Variants in CTNND2 observed in about 807,000 individuals in gnomAD.
CTNND2 encodes the protein catenin delta 2, also known as catenin delta-2.
In CTNND2, 22 loss-of-function variants were observed where a neutral mutation model predicts 144.4. That is an observed-to-expected ratio of 0.15 (90% CI 0.11 to 0.22). The LOEUF is 0.22. Among genes scored for constraint, CTNND2 ranks in the 10% least tolerant of loss-of-function variants. The pLI, the probability that CTNND2 is intolerant of heterozygous loss-of-function variation, is 1.00. For missense variants in CTNND2, 1,353 were observed against 1,618.8 expected, an observed-to-expected ratio of 0.84 and a Z score of 2.82; for synonymous variants, 751 against 695.6, an observed-to-expected ratio of 1.08 and a Z score of -1.25.
At chr5:11,010,461 C>A (rs1198477597) in intron 18 of CTNND2, among the ~76,000 whole-genome samples, 4 of 152,132 alleles carry the variant, frequency 2.6e-5, no homozygotes, top group African/African-American at 9.7e-5. Context: ...CTTTCTAATT[C>A]TCACTGGAAT....
At chr5:11,849,808 A>G (rs1437818334) in intron 1 of CTNND2, among the ~76,000 whole-genome samples, 3 of 152,192 alleles carry the variant, frequency 2.0e-5, no homozygotes, top group Non-Finnish European at 4.4e-5. Flanking sequence ...TGAGAAACAG[A>G]GAAAAGAAAA....
At chr5:11,042,400 C>T (rs1485893715) in intron 16 of CTNND2, among the ~76,000 whole-genome samples, 4 of 152,326 alleles carry the variant, frequency 2.6e-5, no homozygotes, top group African/African-American at 9.6e-5. Context: ...TACACGCACA[C>T]CTTGTTCACA....
intron 1 of CTNND2, among the ~76,000 whole-genome samples, chr5:11,851,089 T>G (rs1794988588): frequency 6.6e-6 from 1 of 152,154 alleles, no homozygotes; most frequent in African/African-American, 2.4e-5. Context: ...AAATACCCTG[T>G]TTGCGTTCCC....
At chr5:11,648,560 C>T (rs978123532) in intron 2 of CTNND2, among the ~76,000 whole-genome samples, 2 of 152,200 alleles carry the variant, frequency 1.3e-5, no homozygotes, top group African/African-American at 4.8e-5. Context: ...TATTTTTTAA[C>T]ATGCCATAAT....
intron 1 of CTNND2, among the ~76,000 whole-genome samples, chr5:11,900,918 GA>G: frequency 6.6e-6 from 1 of 152,250 alleles, no homozygotes; most frequent in East Asian, 1.9e-4. Flanking sequence ...ACTCTGTTAG[GA>G]AAAGTGAGAC....
At chr5:11,096,377 A>T (rs1004278736) in intron 15 of CTNND2, among the ~76,000 whole-genome samples, 1 of 151,900 alleles carries the variant, frequency 6.6e-6, no homozygotes, top group Admixed American at 6.6e-5. Context: ...ATGTGTTCTC[A>T]TTGTTCAATT....
chr5:11,157,642 G>C (rs910047655), intron 12 of CTNND2, among the ~76,000 whole-genome samples: 22 of 152,222 alleles, frequency 1.4e-4, no homozygotes, highest in Non-Finnish European at 7.3e-5. Flanking sequence ...AATGTGAATA[G>C]TGATCTTGGC....
chr5:11,334,712 A>G lies in CTNND2; in HGVS notation c.1628+11660T>C, dbSNP rs1297961093. ...ACTGTAGCATCCTTCAAGAGCAGAT[A>G]GATAGGGTAGATGGAGGCCCTCACT... is the stretch of plus-strand genomic sequence containing the variant. On this transcript the variant is annotated intron_variant, in intron 9 of 21. Coordinates refer to ENST00000304623, the MANE Select transcript of CTNND2 (RefSeq NM_001332.4). Among the ~76,000 whole-genome samples the G allele has an allele frequency of 2.0e-5, 3 of 152,218 alleles. No homozygotes were observed. The East Asian group carries it at 5.8e-4, about 29-fold the overall frequency.
chr5:11,683,942 C>T lies in CTNND2; in HGVS notation c.174+48194G>A, dbSNP rs553609221. On this transcript the variant is annotated intron_variant, in intron 2 of 21. Coordinates refer to ENST00000304623, the MANE Select transcript of CTNND2 (RefSeq NM_001332.4). ...AATAAACTCTAAGCTCCCAATAGTC[C>T]TAACATGTTATGACAGTAAAAGTGC... 7.9e-5 allele frequency among the ~76,000 whole-genome samples: 12 copies of T among 152,234 alleles called. No homozygotes were observed. In the South Asian group the frequency reaches 2.3e-3, roughly 29 times the overall value.
chr5:11,633,340 A>C (rs1051182139), intron 2 of CTNND2, among the ~76,000 whole-genome samples: 1 of 152,240 alleles, frequency 6.6e-6, no homozygotes, highest in East Asian at 1.9e-4. Context: ...AGTGGGATGA[A>C]ATATTCAAAA....
At chr5:11,344,394 A>G (rs1754568155) in intron 9 of CTNND2, among the ~76,000 whole-genome samples, 1 of 151,660 alleles carries the variant, frequency 6.6e-6, no homozygotes, top group African/African-American at 2.4e-5. Flanking sequence ...TCCGTCTCAA[A>G]AAAAAAAAAA....
intron 7 of CTNND2, among the ~76,000 whole-genome samples, chr5:11,369,506 A>T (rs2149779384): frequency 6.6e-6 from 1 of 152,298 alleles, no homozygotes; most frequent in African/African-American, 2.4e-5. Flanking sequence ...TTATTTTTGG[A>T]ACGATTTGTA....
At chr5:11,249,971 T>C (rs1480095042) in intron 9 of CTNND2, among the ~76,000 whole-genome samples, 2 of 152,228 alleles carry the variant, frequency 1.3e-5, no homozygotes, top group Non-Finnish European at 2.9e-5. Flanking sequence ...AGGGCTGCAG[T>C]GTCCAAGTGT....
intron 3 of CTNND2, among the ~76,000 whole-genome samples, chr5:11,418,791 A>T (rs1334615464): frequency 2.6e-5 from 4 of 152,122 alleles, no homozygotes; most frequent in African/African-American, 9.7e-5. Flanking sequence ...ATCCCCTCAT[A>T]TGAACACTTA....
At chr5:11,197,976 G>A (rs1398015453) in intron 11 of CTNND2, among the ~76,000 whole-genome samples, 2 of 152,152 alleles carry the variant, frequency 1.3e-5, no homozygotes, top group African/African-American at 4.8e-5. Flanking sequence ...TGCTCTGCTG[G>A]TCTTCCTTTC....
intron 1 of CTNND2, among the ~76,000 whole-genome samples, chr5:11,828,296 G>C (rs527852130): frequency 6.6e-6 from 1 of 152,144 alleles, no homozygotes; most frequent in Non-Finnish European, 1.5e-5. Context: ...TTGGGAGGCC[G>C]AGGTGTGTGG....
intron 9 of CTNND2, among the ~76,000 whole-genome samples, chr5:11,278,435 G>C (rs903379947): frequency 1.3e-5 from 2 of 152,164 alleles, no homozygotes; most frequent in Admixed American, 6.5e-5. Context: ...TGCATGCCAC[G>C]GAGGAGGAAA....
chr5:11,849,322 G>C (rs1309703809), intron 1 of CTNND2, among the ~76,000 whole-genome samples: 1 of 152,112 alleles, frequency 6.6e-6, no homozygotes, highest in African/African-American at 2.4e-5. Context: ...CAACATGTGG[G>C]AATTATGGGA....
intron 10 of CTNND2, among the ~76,000 whole-genome samples, chr5:11,201,568 G>T (rs1272445112): frequency 1.3e-5 from 2 of 152,186 alleles, no homozygotes; most frequent in Non-Finnish European, 2.9e-5. Flanking sequence ...ATCAGCAAAT[G>T]AAAGCAGAAA....
Sources: gnomAD v4.1 joint callset for allele counts (sites outside exome capture counted in the v4.1 genomes callset) on GRCh38, gnomAD v4.1.1 for gene constraint, MANE v1.5 for transcripts, NCBI Gene and HGNC (gene_info 2026-07-23, HGNC 2026-07-21) for gene names.